EEF2K: variants seen among roughly 807,000 people sequenced by gnomAD.
EEF2K encodes the protein alternative protein EEF2K.
A neutral mutation model predicts 93.8 loss-of-function variants in EEF2K; 70 were observed. The ratio of observed to expected loss-of-function variants is 0.75; its 90% CI spans 0.62 to 0.91. The LOEUF is 0.91. Ranked by LOEUF, EEF2K falls within the 40% of genes least tolerant of loss-of-function variation. The probability of loss-of-function intolerance (pLI) is 0.00; values close to 1 mark genes in which losing one functional copy is unlikely to be tolerated. For missense variants in EEF2K, 935 were observed against 972.9 expected (o/e 0.96, Z 0.52); for synonymous variants, 376 against 380.8 (o/e 0.99, Z 0.15).
rs370671646 is a variant in EEF2K, at chr16:22,251,326, C to T, written c.618+4C>T. Reference sequence around the variant, plus strand: ...TCGGCACAAGCCCCCCAAGCAGGTGCGTGGCCCCACTACCTGCCCCCTTTC... The same window carrying T: ...TCGGCACAAGCCCCCCAAGCAGGTGTGTGGCCCCACTACCTGCCCCCTTTC... On this transcript the variant is annotated splice_donor_region_variant and intron_variant, in intron 6 of 17. Transcript: ENST00000263026. 2.8e-5 allele frequency: 45 copies of T among 1,613,328 alleles called. No homozygotes were observed. The highest frequency in any genetic ancestry group is 8.0e-5 in the African/African-American group (6 of 74,866).
chr16:22,227,876 C>T (rs1316906997), intron 2 of EEF2K, among the ~76,000 whole-genome samples: 3 of 151,204 alleles, frequency 2.0e-5, no homozygotes, highest in East Asian at 1.9e-4. Context: ...ATGGTAGGAT[C>T]GCTTTAGGCC....
intron 1 of EEF2K, among the ~76,000 whole-genome samples, chr16:22,222,333 G>A (rs755684096): frequency 6.6e-6 from 1 of 151,656 alleles, no homozygotes; most frequent in Non-Finnish European, 1.5e-5. Flanking sequence ...AACCACCTGA[G>A]TAGCTGGGAC....
At chr16:22,267,003 A>G (rs750079917) in intron 15 of EEF2K, 127 bp downstream of exon 15, 6 of 1,178,848 alleles carry the variant, frequency 5.1e-6, no homozygotes, top group South Asian at 1.6e-5. Flanking sequence ...GCATGCCACA[A>G]AAATGTCCCA....
At chr16:22,223,788 CCTTT>C (rs1435507339) in intron 1 of EEF2K, among the ~76,000 whole-genome samples, 1 of 152,072 alleles carries the variant, frequency 6.6e-6, no homozygotes, top group Non-Finnish European at 1.5e-5. Context: ...GGGACCGTCC[CCTTT>C]CTAACAGTCA....
intron 6 of EEF2K, 30 bp from the exon 7 acceptor site, chr16:22,256,718 C>G: frequency 1.9e-6 from 3 of 1,608,046 alleles, no homozygotes; most frequent in Non-Finnish European, 2.5e-6. Flanking sequence ...CCTGGGCCCT[C>G]CCGCCTGAGC....
At chr16:22,251,930 A>G (rs2047356188) in intron 6 of EEF2K, among the ~76,000 whole-genome samples, 1 of 151,932 alleles carries the variant, frequency 6.6e-6, no homozygotes. Context: ...AGTAGCTGGG[A>G]CTACAGGGGT....
chr16:22,253,169 T>C (rs2047367469), intron 6 of EEF2K, among the ~76,000 whole-genome samples: 1 of 152,114 alleles, frequency 6.6e-6, no homozygotes, highest in African/African-American at 2.4e-5. Flanking sequence ...TTTGAGCCCC[T>C]AGGGTGATGA....
chr16:22,271,820 A>G (rs1259953446), intron 15 of EEF2K, among the ~76,000 whole-genome samples: 1 of 152,206 alleles, frequency 6.6e-6, no homozygotes, highest in African/African-American at 2.4e-5. Flanking sequence ...GCAAACTCTT[A>G]CACCCATAGC....
chr16:22,283,466 TG>T (rs1181024901), intron 17 of EEF2K, among the ~76,000 whole-genome samples: 4 of 152,182 alleles, frequency 2.6e-5, no homozygotes, highest in African/African-American at 9.7e-5. Context: ...TGAAGCTGTT[TG>T]TAAGTCGTTA....
chr16:22,243,331 A>G (rs2047244830), intron 2 of EEF2K, among the ~76,000 whole-genome samples: 1 of 148,962 alleles, frequency 6.7e-6, no homozygotes, highest in Admixed American at 6.8e-5. Flanking sequence ...GGCTCACTAC[A>G]ACCTCTGCCT....
chr16:22,252,318 C>T (rs2141670740), intron 6 of EEF2K, among the ~76,000 whole-genome samples: 1 of 152,344 alleles, frequency 6.6e-6, no homozygotes, highest in South Asian at 2.1e-4. Flanking sequence ...CTTCCTCCAT[C>T]TCTGGCCTGG....
chr16:22,251,415 T>TA, intron 6 of EEF2K, 93 bp downstream of exon 6: 34 of 1,382,768 alleles, frequency 2.5e-5, no homozygotes, highest in Non-Finnish European at 3.0e-5. Flanking sequence ...TATTTCACCT[T>TA]CTTTTTTTTT....
chr16:22,215,149 A>G (rs1840924618), intron 1 of EEF2K, among the ~76,000 whole-genome samples: 1 of 152,160 alleles, frequency 6.6e-6, no homozygotes, highest in Non-Finnish European at 1.5e-5. Context: ...TGGTTGTGGG[A>G]AGGGACCAAT....
At chr16:22,233,441 G>A (rs1421762529) in intron 2 of EEF2K, among the ~76,000 whole-genome samples, 4 of 151,880 alleles carry the variant, frequency 2.6e-5, no homozygotes, top group Non-Finnish European at 5.9e-5. Context: ...GACTTTTGGC[G>A]GCCGAGGCAG....
chr16:22,265,403 C>A (rs1204887594), intron 13 of EEF2K, among the ~76,000 whole-genome samples: 2 of 152,158 alleles, frequency 1.3e-5, no homozygotes, highest in East Asian at 1.9e-4. Flanking sequence ...TTTACTAAGG[C>A]AAGTCTCTTT....
chr16:22,224,035 C>T (rs959061730), intron 1 of EEF2K, among the ~76,000 whole-genome samples: 12 of 151,334 alleles, frequency 7.9e-5, no homozygotes, highest in African/African-American at 2.7e-4. Flanking sequence ...GGTGAAACCC[C>T]GTCTCTACTA....
intron 3 of EEF2K, among the ~76,000 whole-genome samples, chr16:22,245,822 C>T (rs531449483): frequency 1.3e-5 from 2 of 152,288 alleles, no homozygotes; most frequent in East Asian, 3.9e-4. Flanking sequence ...CCTTACAACA[C>T]AGAATGCTTC....
intron 1 of EEF2K, among the ~76,000 whole-genome samples, chr16:22,208,891 C>A (rs147894266): frequency 6.6e-6 from 1 of 152,170 alleles, no homozygotes; most frequent in Non-Finnish European, 1.5e-5. Flanking sequence ...TAGGGCCACA[C>A]GGCTGAGTTT....
intron 16 of EEF2K, among the ~76,000 whole-genome samples, chr16:22,275,405 C>A (rs1332224346): frequency 6.6e-6 from 1 of 151,948 alleles, no homozygotes; most frequent in Non-Finnish European, 1.5e-5. Flanking sequence ...TGCACTGGTG[C>A]AACCTCAGCT....
Sources: allele counts gnomAD v4.1 joint callset (sites outside exome capture counted in the v4.1 genomes callset), GRCh38; gene constraint gnomAD v4.1.1; transcripts MANE v1.5; gene names NCBI Gene and HGNC (gene_info 2026-07-23, HGNC 2026-07-21).